LANCL1: variants seen among roughly 807,000 people sequenced by gnomAD.
LANCL1 encodes glutathione S-transferase LANCL1.
LANCL1 carries 50 observed loss-of-function variants against 50.6 expected under a neutral mutation model. The observed-to-expected ratio is 0.99, with a 90% CI of 0.79 to 1.25. The LOEUF (loss-of-function observed/expected upper bound fraction) is 1.25, where lower values mean the gene tolerates loss of function less well. LANCL1 is among the 50% of genes most tolerant of loss of function. The pLI, the probability that LANCL1 is intolerant of heterozygous loss-of-function variation, is 0.00. For synonymous variants in LANCL1, 188 were observed against 178.6 expected (o/e 1.05, Z -0.42); for missense variants, 532 against 480.7 (o/e 1.11, Z -1.00).
intron 2 of LANCL1, among the ~76,000 whole-genome samples, chr2:210,474,727 A>AAAATAG: frequency 2.6e-5 from 2 of 76,722 alleles, no homozygotes; most frequent in East Asian, 5.8e-4. Context: ...TCCGTCTAAA[A>AAAATAG]AAATAAAAAT....
chr2:210,435,893 CTTTTTTT>C (rs71043994), intron 8 of LANCL1, among the ~76,000 whole-genome samples: 45 of 64,260 alleles, frequency 7.0e-4, no homozygotes, highest in African/African-American at 2.4e-3. Context: ...GGGAGACCTG[CTTTTTTT>C]TTTTTTTTTT....
intron 3 of LANCL1, among the ~76,000 whole-genome samples, chr2:210,470,425 T>TA (rs907233532): frequency 3.3e-5 from 5 of 151,516 alleles, no homozygotes; most frequent in South Asian, 2.1e-4. Context: ...TACCCTTGTT[T>TA]AAAAAAAAAT....
chr2:210,471,707 A>G (rs1694228730), intron 3 of LANCL1: 3 of 693,174 alleles, frequency 4.3e-6, no homozygotes, highest in South Asian at 1.4e-5. Flanking sequence ...CCTCACAAGT[A>G]TAGCAGCCAT....
intron 3 of LANCL1, chr2:210,460,613 T>G (rs1559717578): frequency 6.6e-6 from 1 of 152,226 alleles, no homozygotes; most frequent in African/African-American, 2.4e-5. Context: ...CCATGTGCAT[T>G]TCCATTTCTT....
At chr2:210,455,337 A>C in intron 3 of LANCL1, 23 bp from the exon 4 acceptor site, 9 of 1,552,392 alleles carry the variant, frequency 5.8e-6, no homozygotes, top group Non-Finnish European at 7.0e-6. Flanking sequence ...AAAGGAAACA[A>C]TGTAAAGATG....
In LANCL1 at chr2:210,437,583, C is replaced by T. The variant is rs989129757; in HGVS notation, c.873+107G>A. 3 of 597,682 alleles carry T rather than the reference C, an allele frequency of 5.0e-6. No homozygotes were observed. The African/African-American group carries it at 5.7e-5, about 11-fold the overall frequency. 37.0% of individuals were successfully genotyped at this position (597,682 alleles called of 1,614,324 possible). ...TCATTTAGTAAAGTGATCTTAGGTC[C>T]CACAAGAGATTTATTTATTGTTCCT... is the stretch of plus-strand genomic sequence containing the variant. On this transcript the variant is annotated intron_variant, in intron 7 of 9. Coordinates refer to ENST00000450366, the MANE Select transcript of LANCL1 (RefSeq NM_006055.3).
chr2:210,441,217 G>T, intron 5 of LANCL1, 91 bp downstream of exon 5: 1 of 1,284,406 alleles, frequency 7.8e-7, no homozygotes. Context: ...TATATGGAAT[G>T]TGCTAACTAC....
chr2:210,472,431 C>T (rs1296124897), intron 2 of LANCL1, among the ~76,000 whole-genome samples: 1 of 152,046 alleles, frequency 6.6e-6, no homozygotes, highest in Non-Finnish European at 1.5e-5. Context: ...ATGTTTGGTG[C>T]TTTCAAACTA....
chr2:210,436,215 C>T lies in LANCL1; in HGVS notation c.1050+1G>A, dbSNP rs768608344. ...TTCTATTTGGTGGTTCTGACTCCTA[C>T]CTTACAGGCCCTATACAGGTACTTC... On this transcript the variant is annotated splice_donor_variant, in intron 8 of 9. Coordinates refer to ENST00000450366, the MANE Select transcript of LANCL1 (RefSeq NM_006055.3). LOFTEE classifies it high-confidence loss of function. 6.2e-7 allele frequency: 1 copy of T among 1,613,268 alleles called. No individual in the cohort carries two copies. The highest frequency in any genetic ancestry group is 8.5e-7 in the Non-Finnish European group (1 of 1,179,482).
intron 4 of LANCL1, among the ~76,000 whole-genome samples, chr2:210,453,422 T>C (rs891874813): frequency 1.3e-5 from 2 of 152,196 alleles, no homozygotes; most frequent in Non-Finnish European, 2.9e-5. Flanking sequence ...TCCCCAGGTA[T>C]ACAAGCTACA....
At chr2:210,446,815 TA>T (rs1693348905) in intron 4 of LANCL1, among the ~76,000 whole-genome samples, 1 of 151,760 alleles carries the variant, frequency 6.6e-6, no homozygotes, top group Non-Finnish European at 1.5e-5. Flanking sequence ...GAAAAAAGAA[TA>T]AAAAGGAACG....
chr2:210,434,696 C>A, intron 9 of LANCL1, 133 bp from the exon 10 acceptor site: 1 of 683,254 alleles, frequency 1.5e-6, no homozygotes, highest in South Asian at 1.9e-5. Context: ...CAAACATCAA[C>A]AAAGGGTGCC....
chr2:210,438,240 T>C (rs991307955), intron 6 of LANCL1, among the ~76,000 whole-genome samples: 1 of 151,620 alleles, frequency 6.6e-6, no homozygotes, highest in Non-Finnish European at 1.5e-5. Context: ...GTTCAAGTGA[T>C]TGTCCTGTCT....
intron 3 of LANCL1, among the ~76,000 whole-genome samples, chr2:210,470,377 C>T (rs1013550622): frequency 1.3e-5 from 2 of 151,674 alleles, no homozygotes; most frequent in African/African-American, 4.9e-5. Context: ...TTTAAAAGTC[C>T]CTGAGATTTT....
At chr2:210,471,140 A>G (rs3856344) in intron 3 of LANCL1, among the ~76,000 whole-genome samples, 66,479 of 145,296 alleles carry the variant, frequency 0.46, 15,808 homozygotes, top group East Asian at 0.62. Flanking sequence ...TCCACCTCCC[A>G]GGTTCAAGTG....
At chr2:210,435,806 A>G (rs756930653) in intron 8 of LANCL1, among the ~76,000 whole-genome samples, 28 of 148,634 alleles carry the variant, frequency 1.9e-4, no homozygotes, top group Non-Finnish European at 3.4e-4. Context: ...AAATAACTGT[A>G]TTTGTTATCC....
At chr2:210,439,390 T>G (rs1056685752) in intron 6 of LANCL1, among the ~76,000 whole-genome samples, 1 of 152,214 alleles carries the variant, frequency 6.6e-6, no homozygotes, top group Non-Finnish European at 1.5e-5. Context: ...TGATTATTTG[T>G]TTCAATGAAA....
rs572299429 is a variant in LANCL1 at position 210,451,029 on chromosome 2, C to T, written c.407+4078G>A. 2.4e-4 allele frequency among the ~76,000 whole-genome samples: 36 copies of T among 152,264 alleles called. 1 individual carries two copies. Among genetic ancestry groups the T allele is most frequent in the Non-Finnish European group, 4.6e-4 (31 of 68,020 alleles). ...ATTCTACTACAAAGACAAATGCACA[C>T]GTATGTTTATTGCAACACTGTTCAC... On this transcript the variant is annotated intron_variant, in intron 4 of 9. Transcript: ENST00000450366.
chr2:210,433,516 G>A lies in LANCL1; in HGVS notation c.*971C>T, dbSNP rs1692817355. ...GAAAAGACCAAAGTTCAGATAAATT[G>A]ATAGGAAGGAAAATATTTTATGGCT... On this transcript the variant is annotated 3_prime_UTR_variant, in exon 10 of 10. Coordinates refer to ENST00000450366, the MANE Select transcript of LANCL1 (RefSeq NM_006055.3). 6.6e-6 allele frequency: 1 copy of A among 152,260 alleles called. No homozygotes were observed. Among genetic ancestry groups the A allele is most frequent in the African/African-American group, 2.4e-5 (1 of 41,546 alleles). 9.4% of individuals were successfully genotyped at this position (152,260 alleles called of 1,614,324 possible). A position where few individuals can be genotyped will look rare whatever the true frequency, so the allele number is the denominator to read the frequency against.
Sources: gnomAD v4.1 joint callset for allele counts (sites outside exome capture counted in the v4.1 genomes callset) on GRCh38, gnomAD v4.1.1 for gene constraint, MANE v1.5 for transcripts, NCBI Gene and HGNC (gene_info 2026-07-23, HGNC 2026-07-21) for gene names.